SCLT1: variants seen among roughly 807,000 people sequenced by gnomAD.
The protein encoded by SCLT1 is sodium channel-associated protein 1.
In SCLT1, 78 loss-of-function variants were observed where a neutral mutation model predicts 112.8. The ratio of observed to expected loss-of-function variants is 0.69; its 90% CI spans 0.58 to 0.83. SCLT1 has a LOEUF of 0.83. SCLT1 is among the 40% of genes least tolerant of loss of function. The probability of loss-of-function intolerance (pLI) is 0.00; values close to 1 mark genes in which losing one functional copy is unlikely to be tolerated. For missense variants in SCLT1, 747 were observed against 770.4 expected, an observed-to-expected ratio of 0.97 and a Z score of 0.36; for synonymous variants, 257 against 254.7, an observed-to-expected ratio of 1.01 and a Z score of -0.09.
Position 129,090,916 on chromosome 4 carries a change from G to A in SCLT1, c.34+2154C>T, listed in dbSNP as rs570857354. ...GTAATTATCAGAGGAAATGTCATGT[G>A]GGGACATGAGAGTTGAGAAGTACCA... On this transcript the variant is annotated intron_variant, in intron 1 of 20. Transcript: ENST00000281142. Among the ~76,000 whole-genome samples, 12 of 152,292 alleles carry A rather than the reference G, an allele frequency of 7.9e-5. No individual in the cohort carries two copies. The East Asian group carries it at 1.9e-3, about 24-fold the overall frequency.
At chr4:129,053,926 G>C (rs962475134) in intron 2 of SCLT1, among the ~76,000 whole-genome samples, 15 of 152,058 alleles carry the variant, frequency 9.9e-5, no homozygotes, top group African/African-American at 3.4e-4. Flanking sequence ...GCTTCCTTCA[G>C]GAGTTCTTCT....
intron 4 of SCLT1, chr4:129,039,810 T>A (rs967568340): frequency 5.6e-6 from 1 of 179,170 alleles, no homozygotes; most frequent in Non-Finnish European, 1.2e-5. Context: ...CATTTAAAGT[T>A]GGCGAAAATA....
At chr4:129,028,746 CAAAAAGGGAG>C (rs1746389664) in intron 5 of SCLT1, among the ~76,000 whole-genome samples, 1 of 151,948 alleles carries the variant, frequency 6.6e-6, no homozygotes, top group Admixed American at 6.6e-5. Flanking sequence ...AGGCAACCTA[CAAAAAGGGAG>C]AAAATTGTTG....
intron 2 of SCLT1, among the ~76,000 whole-genome samples, chr4:129,081,837 C>A (rs545746780): frequency 6.6e-6 from 1 of 152,172 alleles, no homozygotes; most frequent in Non-Finnish European, 1.5e-5. Context: ...CATTACCTTC[C>A]TTTTAATATT....
chr4:129,040,152 T>C (rs1747575504), intron 4 of SCLT1: 2 of 702,566 alleles, frequency 2.8e-6, no homozygotes, highest in Non-Finnish European at 5.2e-6. Flanking sequence ...GAGATCAGAA[T>C]AGCAAATTCT....
At chr4:129,040,453 C>T (rs571032125) in intron 4 of SCLT1, among the ~76,000 whole-genome samples, 2 of 152,170 alleles carry the variant, frequency 1.3e-5, no homozygotes, top group Non-Finnish European at 2.9e-5. Flanking sequence ...AGCACGATCA[C>T]AGCCCACTGC....
chr4:128,989,776 C>T (rs1182548274), intron 9 of SCLT1, among the ~76,000 whole-genome samples: 1 of 151,302 alleles, frequency 6.6e-6, no homozygotes, highest in African/African-American at 2.4e-5. Context: ...GATATTACAA[C>T]TGAAACCACA....
At chr4:128,980,056 TTATCTTAAAACCTG>T (rs1264361405) in intron 9 of SCLT1, among the ~76,000 whole-genome samples, 5 of 152,222 alleles carry the variant, frequency 3.3e-5, no homozygotes, top group Non-Finnish European at 7.3e-5. Flanking sequence ...GCCCTATTTC[TTATCTTAAAACCTG>T]TTTTCCATGC....
intron 9 of SCLT1, among the ~76,000 whole-genome samples, chr4:128,977,395 ACTGTCTTCAGCACTGGTGATGCAGTG>A (rs1741271506): frequency 6.6e-6 from 1 of 152,198 alleles, no homozygotes; most frequent in Admixed American, 6.5e-5. Context: ...CATACGAAGC[ACTGTCTTCAGCACTGGTGATGCAGTG>A]GTAAACAAGG....
chr4:128,973,767 A>G (rs562541436), intron 9 of SCLT1, among the ~76,000 whole-genome samples: 1 of 152,324 alleles, frequency 6.6e-6, no homozygotes, highest in African/African-American at 2.4e-5. Flanking sequence ...AAAAATTCTG[A>G]AAACATTCAT....
intron 2 of SCLT1, among the ~76,000 whole-genome samples, chr4:129,052,725 T>A (rs945156769): frequency 1.3e-5 from 2 of 152,188 alleles, no homozygotes; most frequent in African/African-American, 2.4e-5. Flanking sequence ...TGTCTCTATC[T>A]CCTTCAGCTC....
chr4:128,960,069 C>G (rs1296651066), intron 11 of SCLT1, among the ~76,000 whole-genome samples: 1 of 152,092 alleles, frequency 6.6e-6, no homozygotes, highest in African/African-American at 2.4e-5. Context: ...TTATGTTATA[C>G]TTGTTATGGT....
At chr4:129,009,177 C>T (rs1234273761) in intron 5 of SCLT1, among the ~76,000 whole-genome samples, 1 of 152,088 alleles carries the variant, frequency 6.6e-6, no homozygotes, top group Non-Finnish European at 1.5e-5. Context: ...CGTTATATAT[C>T]CAGTGATGGG....
At chr4:129,035,831 A>G (rs1029408576) in intron 5 of SCLT1, among the ~76,000 whole-genome samples, 1 of 151,468 alleles carries the variant, frequency 6.6e-6, no homozygotes, top group African/African-American at 2.4e-5. Context: ...GGAGCATGAT[A>G]ATAATAATAA....
At chr4:128,950,560 TA>T (rs1738637888) in intron 14 of SCLT1, among the ~76,000 whole-genome samples, 1 of 152,102 alleles carries the variant, frequency 6.6e-6, no homozygotes, top group African/African-American at 2.4e-5. Flanking sequence ...GACAAAATAA[TA>T]GATATTTTTT....
rs149592900 is a variant in SCLT1, at chr4:129,082,339, T to C, written c.69A>G (p.Gln23=). 123 of 1,594,276 alleles carry C rather than the reference T, an allele frequency of 7.7e-5. 1 individual carries two copies. In the African/African-American group the frequency reaches 1.4e-3, roughly 18 times the overall value. ...RRLNEDFRRY[Q]MESFSKYSSV... ...ATGAATATTTGGAAAAACTTTCCATTTGATACCGCCTAAAATCTTCATTTA... is the reference window on the plus strand; with the variant it reads ...ATGAATATTTGGAAAAACTTTCCATCTGATACCGCCTAAAATCTTCATTTA... The change falls in exon 2 of 21, where the codon CAA becomes CAG. Residue 23 remains glutamine (Q), a synonymous_variant. Transcript: ENST00000281142.
chr4:128,958,442 T>C (rs2126011746), intron 12 of SCLT1, among the ~76,000 whole-genome samples: 1 of 152,260 alleles, frequency 6.6e-6, no homozygotes, highest in East Asian at 1.9e-4. Flanking sequence ...AAGAGCAGCT[T>C]AATATTGTAA....
intron 18 of SCLT1, among the ~76,000 whole-genome samples, chr4:128,925,084 C>T (rs142659913): frequency 9.9e-5 from 15 of 152,202 alleles, no homozygotes; most frequent in African/African-American, 3.6e-4. Context: ...CCAACACCTA[C>T]AGAGTGAGCT....
intron 1 of SCLT1, among the ~76,000 whole-genome samples, chr4:129,091,987 T>G (rs1043958209): frequency 2.0e-5 from 3 of 152,344 alleles, no homozygotes; most frequent in Non-Finnish European, 4.4e-5. Context: ...CTCTACCTCT[T>G]TCTCTCAAAT....
Sources: gnomAD v4.1 joint callset for allele counts (sites outside exome capture counted in the v4.1 genomes callset) on GRCh38, gnomAD v4.1.1 for gene constraint, MANE v1.5 for transcripts, NCBI Gene and HGNC (gene_info 2026-07-23, HGNC 2026-07-21) for gene names.